The following CDKN2B-AS1 variants were observed in gnomAD, a reference collection of about 807,000 sequenced individuals.
CDKN2B-AS1 encodes CDKN2B antisense RNA 1 (non-protein coding).
chr9:22,003,935 C>G (rs1821045178), intron 1 of CDKN2B-AS1: 1 of 232,294 alleles, frequency 4.3e-6, no homozygotes, highest in Non-Finnish European at 8.5e-6. Context: ...GGAGGACAAG[C>G]TGGTGCAATG....
intron 1 of CDKN2B-AS1, among the ~76,000 whole-genome samples, chr9:22,022,222 G>A (rs1393394767): frequency 1.3e-5 from 2 of 151,822 alleles, no homozygotes; most frequent in Non-Finnish European, 2.9e-5. Flanking sequence ...TTAATTTTCT[G>A]TCTCGGTGAT....
chr9:22,114,051 T>C (rs542553561), intron 4 of CDKN2B-AS1, among the ~76,000 whole-genome samples: 23 of 152,188 alleles, frequency 1.5e-4, no homozygotes, highest in Non-Finnish European at 2.6e-4. Flanking sequence ...TCAACTGATA[T>C]ACATGGTACC....
intron 1 of CDKN2B-AS1, among the ~76,000 whole-genome samples, chr9:22,021,574 A>G (rs1443258495): frequency 3.3e-5 from 5 of 152,096 alleles, no homozygotes; most frequent in Non-Finnish European, 1.5e-5. Context: ...ATGCTTTTCC[A>G]TTTGTTTATG....
chr9:22,101,975 A>G (rs1825500173), intron 4 of CDKN2B-AS1, among the ~76,000 whole-genome samples: 1 of 152,194 alleles, frequency 6.6e-6, no homozygotes. Context: ...CGTTAGCTCC[A>G]GAGACTGCAA....
rs546508988 is a variant in CDKN2B-AS1, at chr9:22,068,658, A to T, written n.438+12271A>T. Among the ~76,000 whole-genome samples, 12 of 152,328 alleles carry T rather than the reference A, an allele frequency of 7.9e-5. No individual in the cohort carries two copies. In the East Asian group the frequency reaches 2.1e-3, roughly 27 times the overall value. On this transcript the variant is annotated intron_variant and non_coding_transcript_variant, in intron 4 of 4. Coordinates refer to ENST00000650946, the Ensembl canonical transcript of CDKN2B-AS1. ...TAAGTGGCTTTGCAATGATAGTAAG[A>T]TCAGCATTGCATTACTGAATGAGCT...
intron 4 of CDKN2B-AS1, among the ~76,000 whole-genome samples, chr9:22,110,896 A>G (rs771315552): frequency 1.3e-5 from 2 of 152,042 alleles, no homozygotes; most frequent in South Asian, 4.1e-4. Context: ...GCTTAGTTAC[A>G]CTTGTTTTTA....
intron 1 of CDKN2B-AS1, among the ~76,000 whole-genome samples, chr9:22,031,252 C>G (rs2131246117): frequency 6.6e-6 from 1 of 152,256 alleles, no homozygotes; most frequent in South Asian, 2.1e-4. Context: ...TTCTAATACA[C>G]TCTAAAACAA....
chr9:22,005,703 A>G lies in CDKN2B-AS1; in HGVS notation n.29+10542A>G. 1 of 550,940 alleles carries G rather than the reference A, an allele frequency of 1.8e-6. No individual in the cohort carries two copies. The highest frequency in any genetic ancestry group is 3.3e-6 in the Non-Finnish European group (1 of 305,990). The allele number at this position is 550,940 out of a possible 1,614,324, so 34.1% of individuals were successfully genotyped here. A position where few individuals can be genotyped will look rare whatever the true frequency, so the allele number is the denominator to read the frequency against. On this transcript the variant is annotated intron_variant and non_coding_transcript_variant, in intron 1 of 4. Transcript: ENST00000650946. The surrounding 1 kb of genome is among the most constrained non-coding windows in gnomAD (Gnocchi z 4.9). ...ATGCACTTTCCCTCAGAAAACCCTGAAAAGCAAACGACCCCTGGAATGTCA... is the reference window on the plus strand; with the variant it reads ...ATGCACTTTCCCTCAGAAAACCCTGGAAAGCAAACGACCCCTGGAATGTCA...
rs1554662057 is a variant in CDKN2B-AS1, at chr9:22,006,261, C to G, written n.29+11100C>G. On this transcript the variant is annotated intron_variant and non_coding_transcript_variant, in intron 1 of 4. Transcript: ENST00000650946. This position sits in a 1 kb window ranked among gnomAD's most constrained non-coding sequence, Gnocchi z 6.4. Reference sequence around the variant, plus strand: ...CATCATCATGACCTGCCAGAGAGAGCAGAGTGGTCAGAGCCAGGGTGGGGG... The same window carrying G: ...CATCATCATGACCTGCCAGAGAGAGGAGAGTGGTCAGAGCCAGGGTGGGGG... 1.2e-6 allele frequency: 2 copies of G among 1,602,018 alleles called. No homozygotes were observed. The highest frequency in any genetic ancestry group is 1.7e-6 in the Non-Finnish European group (2 of 1,179,862).
intron 4 of CDKN2B-AS1, among the ~76,000 whole-genome samples, chr9:22,089,119 C>A (rs905454844): frequency 6.6e-6 from 1 of 152,082 alleles, no homozygotes; most frequent in African/African-American, 2.4e-5. Context: ...AATAATTTTT[C>A]CTTTAAAAGG....
exon 2 of CDKN2B-AS1, chr9:22,046,812 A>G (rs1823129188): frequency 6.6e-6 from 1 of 152,150 alleles, no homozygotes; most frequent in Admixed American, 6.6e-5. Context: ...CAAAGAAAAG[A>G]CTTCTGTTTT....
intron 4 of CDKN2B-AS1, among the ~76,000 whole-genome samples, chr9:22,106,079 T>A (rs554018676): frequency 6.6e-6 from 1 of 151,964 alleles, no homozygotes; most frequent in Admixed American, 6.5e-5. Context: ...TCTGGATAAT[T>A]TTTGTACTTT....
chr9:22,038,618 C>T (rs1822782820), intron 1 of CDKN2B-AS1, among the ~76,000 whole-genome samples: 1 of 151,856 alleles, frequency 6.6e-6, no homozygotes, highest in Non-Finnish European at 1.5e-5. Flanking sequence ...CTAATTCAGT[C>T]CTTTTACTTT....
intron 4 of CDKN2B-AS1, among the ~76,000 whole-genome samples, chr9:22,057,058 C>T (rs1408573625): frequency 6.6e-6 from 1 of 152,084 alleles, no homozygotes; most frequent in African/African-American, 2.4e-5. Flanking sequence ...TTTACCTTTA[C>T]CCGACCCCAA....
chr9:22,093,787 G>A (rs1050054906), intron 4 of CDKN2B-AS1, among the ~76,000 whole-genome samples: 1 of 144,344 alleles, frequency 6.9e-6, no homozygotes, highest in African/African-American at 2.9e-5. Context: ...GCCAGTCTGT[G>A]TCTTTTAATT....
chr9:22,008,876 T>C, intron 1 of CDKN2B-AS1: 2 of 1,612,320 alleles, frequency 1.2e-6, no homozygotes, highest in East Asian at 2.2e-5. Flanking sequence ...CCTTCTCCAC[T>C]AGTCCCCGCG....
intron 1 of CDKN2B-AS1, among the ~76,000 whole-genome samples, chr9:22,008,430 A>C (rs1359639845): frequency 6.6e-6 from 1 of 152,202 alleles, no homozygotes; most frequent in Non-Finnish European, 1.5e-5. Flanking sequence ...CCTTAAATCC[A>C]ATCTAGAATG....
chr9:22,101,665 AAC>A (rs748040681), intron 4 of CDKN2B-AS1, among the ~76,000 whole-genome samples: 412 of 125,354 alleles, frequency 3.3e-3, no homozygotes, highest in South Asian at 0.014. Flanking sequence ...AACCCTCTTC[AAC>A]ACACACACAC....
At chr9:22,044,115 C>CT (rs1234231448) in intron 1 of CDKN2B-AS1, among the ~76,000 whole-genome samples, 22 of 151,706 alleles carry the variant, frequency 1.5e-4, no homozygotes, top group Admixed American at 9.2e-4. Context: ...GGAAGTCAAG[C>CT]TTTTTTTCGC....
Sources: allele counts gnomAD v4.1 joint callset (sites outside exome capture counted in the v4.1 genomes callset), GRCh38; gene constraint gnomAD v4.1.1; non-coding constraint Gnocchi (gnomAD v3.1); transcripts MANE v1.5; gene names NCBI Gene and HGNC (gene_info 2026-07-23, HGNC 2026-07-21).